Variants in COL4A2 observed in about 807,000 individuals in gnomAD.
The protein encoded by COL4A2 is collagen type IV alpha 2 chain.
In COL4A2, 99 loss-of-function variants were observed where a neutral mutation model predicts 200.2. The observed-to-expected ratio is 0.49, with a 90% CI of 0.42 to 0.58. COL4A2 has a LOEUF of 0.58. Among genes scored for constraint, COL4A2 ranks in the 20% least tolerant of loss-of-function variants. COL4A2 has a pLI of 0.00. For synonymous variants in COL4A2, 897 were observed against 900.6 expected, an observed-to-expected ratio of 1.00 and a Z score of 0.07; for missense variants, 1,950 against 2,314.1, an observed-to-expected ratio of 0.84 and a Z score of 3.23.
At chr13:110,462,522 CT>C in intron 24 of COL4A2, 138 bp downstream of exon 24, 1 of 742,850 alleles carries the variant, frequency 1.3e-6, no homozygotes, top group Non-Finnish European at 2.1e-6. Flanking sequence ...TCTGCTCATT[CT>C]ATTTCTAATG....
intron 4 of COL4A2, 21 bp from the exon 5 acceptor site, chr13:110,424,713 G>A (rs377651489): frequency 1.7e-4 from 270 of 1,544,454 alleles, no homozygotes; most frequent in Non-Finnish European, 2.3e-4. Flanking sequence ...CGTGGAAATT[G>A]AACCTTTGTT....
chr13:110,397,253 G>A (rs962623800), intron 4 of COL4A2, among the ~76,000 whole-genome samples: 6 of 152,160 alleles, frequency 3.9e-5, no homozygotes, highest in African/African-American at 7.2e-5. Context: ...ACTTCTGCAC[G>A]GAGGTTCTGC....
chr13:110,429,653 G>A (rs1254406425), intron 7 of COL4A2, among the ~76,000 whole-genome samples: 2 of 152,166 alleles, frequency 1.3e-5, no homozygotes, highest in Non-Finnish European at 2.9e-5. Flanking sequence ...AAATCCTAAA[G>A]TATTTCTGTT....
intron 3 of COL4A2, among the ~76,000 whole-genome samples, chr13:110,331,213 A>C (rs1875897126): frequency 6.6e-6 from 1 of 152,242 alleles, no homozygotes; most frequent in Non-Finnish European, 1.5e-5. Context: ...TGCAAAGGAC[A>C]GAGAAAGTCA....
intron 32 of COL4A2, among the ~76,000 whole-genome samples, chr13:110,483,625 G>A (rs1015901686): frequency 3.3e-5 from 5 of 151,768 alleles, no homozygotes; most frequent in South Asian, 2.1e-4. Context: ...GCCACGTGTC[G>A]TCTGACTGCA....
intron 3 of COL4A2, among the ~76,000 whole-genome samples, chr13:110,318,842 C>G (rs1378342451): frequency 6.6e-6 from 1 of 151,930 alleles, no homozygotes; most frequent in Non-Finnish European, 1.5e-5. Context: ...GAACTTGAAG[C>G]CACAGAGAGT....
intron 3 of COL4A2, among the ~76,000 whole-genome samples, chr13:110,322,754 G>A (rs1370523737): frequency 2.0e-5 from 3 of 152,234 alleles, no homozygotes; most frequent in Non-Finnish European, 4.4e-5. Flanking sequence ...GCTAAGGGCT[G>A]GGAACTTGGT....
intron 3 of COL4A2, among the ~76,000 whole-genome samples, chr13:110,352,573 A>G (rs1877009716): frequency 6.6e-6 from 1 of 152,218 alleles, no homozygotes; most frequent in Non-Finnish European, 1.5e-5. Flanking sequence ...GTAAAGTGAA[A>G]GCGTGGATGA....
intron 44 of COL4A2, 57 bp downstream of exon 44, chr13:110,504,050 C>T: frequency 1.9e-6 from 3 of 1,550,992 alleles, no homozygotes; most frequent in Non-Finnish European, 8.8e-7. Context: ...AAGGCCAGGG[C>T]CTGCTGGCAT....
intron 34 of COL4A2, among the ~76,000 whole-genome samples, chr13:110,487,894 A>T (rs1391516871): frequency 6.6e-6 from 1 of 152,212 alleles, no homozygotes; most frequent in Admixed American, 6.5e-5. Context: ...TGCGTTTAAG[A>T]TGAGTGGACA....
chr13:110,335,616 A>G (rs1876146516), intron 3 of COL4A2, among the ~76,000 whole-genome samples: 1 of 152,202 alleles, frequency 6.6e-6, no homozygotes, highest in Non-Finnish European at 1.5e-5. Flanking sequence ...ATGGACTAAT[A>G]CAGCTCCCTT....
rs1307416964 is a variant in COL4A2, at chr13:110,474,883, C to T, written c.2425+1733C>T. 2.5e-5 allele frequency among the ~76,000 whole-genome samples: 3 copies of T among 118,086 alleles called. No individual in the cohort carries two copies. In the Admixed American group the frequency reaches 2.6e-4, roughly 10 times the overall value. The allele number at this position is 118,086 out of a possible 152,430, so 77.5% of individuals were successfully genotyped here. On this transcript the variant is annotated intron_variant, in intron 29 of 47. Transcript: ENST00000360467. ...CACACACTCCATACACACACGTACC[C>T]ACACACGTGCCTATGCACACTCACG...
At chr13:110,380,151 A>C (rs967989372) in intron 4 of COL4A2, among the ~76,000 whole-genome samples, 1 of 152,204 alleles carries the variant, frequency 6.6e-6, no homozygotes, top group Non-Finnish European at 1.5e-5. Flanking sequence ...CACATTAGTC[A>C]TGGCCTCAAC....
intron 4 of COL4A2, among the ~76,000 whole-genome samples, chr13:110,395,787 A>C (rs899406568): frequency 6.6e-6 from 1 of 152,186 alleles, no homozygotes; most frequent in East Asian, 1.9e-4. Flanking sequence ...TCTGCTAAAA[A>C]TATAAAAATT....
chr13:110,450,178 C>T lies in COL4A2; in HGVS notation c.1190-127C>T. On this transcript the variant is annotated intron_variant, in intron 19 of 47. Transcript: ENST00000360467. ...TAATGAACTATACCAATGGCTTCTA[C>T]CCATCGGAGTTATTGACGGGGCCAT... is the stretch of plus-strand genomic sequence containing the variant. 6.8e-6 allele frequency: 5 copies of T among 738,556 alleles called. No individual in the cohort carries two copies. In the South Asian group the frequency reaches 8.4e-5, roughly 12 times the overall value. 45.8% of individuals were successfully genotyped at this position (738,556 alleles called of 1,614,324 possible). A position where few individuals can be genotyped will look rare whatever the true frequency, so the allele number is the denominator to read the frequency against.
chr13:110,332,354 G>C (rs1401616293), intron 3 of COL4A2, among the ~76,000 whole-genome samples: 1 of 152,186 alleles, frequency 6.6e-6, no homozygotes. Flanking sequence ...TGAATGGAAA[G>C]GGCCATGGCA....
At chr13:110,443,597 C>G (rs1044764159) in intron 16 of COL4A2, among the ~76,000 whole-genome samples, 1 of 152,138 alleles carries the variant, frequency 6.6e-6, no homozygotes, top group Non-Finnish European at 1.5e-5. Flanking sequence ...GGGGGAGGGC[C>G]GGGGAGAAAG....
intron 38 of COL4A2, among the ~76,000 whole-genome samples, 194 bp downstream of exon 38, chr13:110,492,371 A>G (rs1401825046): frequency 1.3e-5 from 2 of 152,170 alleles, no homozygotes; most frequent in Non-Finnish European, 2.9e-5. Context: ...GCAACTGGGA[A>G]TCAAGCCAGA....
At position 110,480,157 on chromosome 13, in the gene COL4A2, A is replaced by G. The variant is rs555420201; in HGVS notation, c.2588-63A>G. ...ACTGAACACTCAATGCCGTAAAAGCAGAAGAGAAATTTCCCCTGTGTGTGT... is the reference window on the plus strand; with the variant it reads ...ACTGAACACTCAATGCCGTAAAAGCGGAAGAGAAATTTCCCCTGTGTGTGT... On this transcript the variant is annotated intron_variant, in intron 30 of 47. Coordinates refer to ENST00000360467, the MANE Select transcript of COL4A2 (RefSeq NM_001846.4). 2.0e-5 allele frequency: 29 copies of G among 1,480,860 alleles called. No homozygotes were observed. In the Admixed American group the frequency reaches 4.5e-4, roughly 23 times the overall value. The allele number at this position is 1,480,860 out of a possible 1,614,324, so 91.7% of individuals were successfully genotyped here.
Sources: allele counts gnomAD v4.1 joint callset (sites outside exome capture counted in the v4.1 genomes callset), GRCh38; gene constraint gnomAD v4.1.1; transcripts MANE v1.5; gene names NCBI Gene and HGNC (gene_info 2026-07-23, HGNC 2026-07-21).